Variants in LAYN observed in about 807,000 individuals in gnomAD.
The protein encoded by LAYN is layilin.
Under a neutral mutation model 43.6 loss-of-function variants are expected in LAYN, and 38 were observed. The observed-to-expected ratio is 0.87, with a 90% CI of 0.67 to 1.14. The LOEUF (loss-of-function observed/expected upper bound fraction) is 1.14, where lower values mean the gene tolerates loss of function less well. Ranked by LOEUF, LAYN falls within the 50% of genes most tolerant of loss-of-function variation. LAYN has a pLI of 0.00. For missense variants in LAYN, 479 were observed against 463.8 expected (o/e 1.03, Z -0.30); for synonymous variants, 168 against 172.9 (o/e 0.97, Z 0.22).
At chr11:111,554,654 T>G (rs1867803153) in intron 4 of LAYN, 61 bp downstream of exon 4, 2 of 1,399,450 alleles carry the variant, frequency 1.4e-6, no homozygotes, top group African/African-American at 2.8e-5. Flanking sequence ...TCTTCACAGG[T>G]TTAAAGCCCT....
chr11:111,555,179 G>A lies in LAYN; in HGVS notation c.575-28G>A, dbSNP rs752845077. ...ATACCTGAATTATGCCTTTCTTCAA[G>A]TTCACAAGTCCATGTGTCTCTCTCC... On this transcript the variant is annotated intron_variant, in intron 4 of 6. Transcript: ENST00000375614. The A allele has an allele frequency of 2.6e-6, 4 of 1,546,728 alleles. No individual in the cohort carries two copies. In the South Asian group the frequency reaches 3.4e-5, roughly 13 times the overall value.
chr11:111,549,595 T>C (rs765558025), intron 2 of LAYN, 23 bp from the exon 3 acceptor site: 1 of 1,509,698 alleles, frequency 6.6e-7, no homozygotes. Flanking sequence ...CAGTTGCCTC[T>C]ACTGCTGATC....
At position 111,555,246 on chromosome 11, in the gene LAYN, A is replaced by G. The variant is rs769417519; in HGVS notation, c.614A>G (p.Glu205Gly). 4 of 1,613,948 alleles carry G rather than the reference A, an allele frequency of 2.5e-6. No homozygotes were observed. In the East Asian group the frequency reaches 8.9e-5, roughly 36 times the overall value. ...TELTTPVLPE[E>G]TQEEDAKKTF... is the part of the protein sequence containing the mutation. ...CTGACAACACCTGTACTTCCAGAAG[A>G]AACACAGGAAGAAGATGCCAAAAAA... Residue 205 changes from glutamate to glycine, a missense_variant, in exon 5 of 7, where the codon GAA becomes GGA. Physicochemically the swap from Glu to Gly is moderately conservative, Grantham distance 98. Transcript: ENST00000375614.
intron 3 of LAYN, chr11:111,551,469 T>G: frequency 2.2e-6 from 1 of 455,344 alleles, no homozygotes; most frequent in Non-Finnish European, 4.4e-6. Context: ...ACTAACACAC[T>G]GCCTGTTTTT....
intron 1 of LAYN, chr11:111,541,321 C>A (rs1169003533): frequency 3.3e-6 from 2 of 606,108 alleles, no homozygotes; most frequent in Non-Finnish European, 5.9e-6. Context: ...CAGCTGGCCC[C>A]CGCCTACCGC....
At chr11:111,559,021 G>A (rs902015682) in intron 6 of LAYN, among the ~76,000 whole-genome samples, 7 of 151,846 alleles carry the variant, frequency 4.6e-5, no homozygotes, top group Admixed American at 2.6e-4. Flanking sequence ...CCTGACCTCA[G>A]GTGATCCGCC....
intron 2 of LAYN, 133 bp downstream of exon 2, chr11:111,544,353 G>A: frequency 2.3e-6 from 2 of 875,254 alleles, no homozygotes; most frequent in Non-Finnish European, 3.4e-6. Context: ...AGTAGCACCA[G>A]AATAGCTGCT....
At chr11:111,549,894 C>A in intron 3 of LAYN, 119 bp downstream of exon 3, 1 of 1,032,078 alleles carries the variant, frequency 9.7e-7, no homozygotes, top group Non-Finnish European at 1.4e-6. Context: ...CAAATGCCAG[C>A]AACATAAAAC....
At position 111,543,997 on chromosome 11, in the gene LAYN, C is replaced by T; in HGVS notation, c.160C>T (p.Leu54=). Reference sequence around the variant, plus strand: ...TTACTTCCATGATACTTCTCGAAGACTGAACTTTGAGGAAGCCAAAGAAGC... The same window carrying T: ...TTACTTCCATGATACTTCTCGAAGATTGAACTTTGAGGAAGCCAAAGAAGC... ...VIYFHDTSRR[L]NFEEAKEACR... Residue 54 remains leucine, a synonymous_variant, in exon 2 of 7, where the codon CTG becomes TTG. Transcript: ENST00000375614. 1 of 1,614,208 alleles carries T rather than the reference C, an allele frequency of 6.2e-7. No homozygotes were observed. The highest frequency in any genetic ancestry group is 1.1e-5 in the South Asian group (1 of 91,080).
intron 3 of LAYN, chr11:111,551,472 C>T: frequency 4.4e-6 from 2 of 455,270 alleles, no homozygotes; most frequent in South Asian, 1.6e-5. Flanking sequence ...AACACACTGC[C>T]TGTTTTTGGC....
chr11:111,555,886 G>A lies in LAYN; in HGVS notation c.658+596G>A, dbSNP rs116706198. On this transcript the variant is annotated intron_variant, in intron 5 of 6. Coordinates refer to ENST00000375614, the MANE Select transcript of LAYN (RefSeq NM_178834.5). ...TAATGGAAGTAATAATATTTTTCTT[G>A]CCTACCTGAGAGCACAACTGTGTCC... Among the ~76,000 whole-genome samples, 1,171 of 152,174 alleles carry A rather than the reference G, an allele frequency of 7.7e-3. 25 individuals are homozygous for A. Among genetic ancestry groups the A allele is most frequent in the African/African-American group, 0.026 (1,085 of 41,508 alleles).
At chr11:111,554,664 T>G (rs1867803372) in intron 4 of LAYN, 71 bp downstream of exon 4, 2 of 1,341,266 alleles carry the variant, frequency 1.5e-6, no homozygotes, top group Admixed American at 3.5e-5. Context: ...TTTAAAGCCC[T>G]ATGTCCTTTG....
intron 2 of LAYN, among the ~76,000 whole-genome samples, chr11:111,549,407 G>A (rs542791928): frequency 2.2e-4 from 34 of 152,348 alleles, no homozygotes; most frequent in African/African-American, 7.9e-4. Context: ...AAGAGATTGT[G>A]GCAAATGTCA....
At chr11:111,546,165 A>T (rs1040353161) in intron 2 of LAYN, among the ~76,000 whole-genome samples, 30 of 152,154 alleles carry the variant, frequency 2.0e-4, no homozygotes, top group African/African-American at 6.0e-4. Context: ...GCCTCTTCTA[A>T]GTAGATGTTT....
chr11:111,558,190 G>A lies in LAYN; in HGVS notation c.761+547G>A, dbSNP rs113499455. ...ACAATTTCTGTATATGGTCAGGATC[G>A]TGTGCCACTATTTTATTTTATTTTA... On this transcript the variant is annotated intron_variant, in intron 6 of 6. Transcript: ENST00000375614. Among the ~76,000 whole-genome samples, 1,188 of 152,226 alleles carry A rather than the reference G, an allele frequency of 7.8e-3. 13 individuals carry two copies. Among genetic ancestry groups the A allele is most frequent in the African/African-American group, 0.027 (1,112 of 41,518 alleles).
At chr11:111,550,771 A>G (rs1867728048) in intron 3 of LAYN, among the ~76,000 whole-genome samples, 1 of 152,184 alleles carries the variant, frequency 6.6e-6, no homozygotes, top group African/African-American at 2.4e-5. Context: ...AAAGCAAGGC[A>G]CTTGTTACAT....
intron 2 of LAYN, among the ~76,000 whole-genome samples, chr11:111,548,564 G>A (rs1867686465): frequency 6.6e-6 from 1 of 152,188 alleles, no homozygotes; most frequent in South Asian, 2.1e-4. Context: ...TGTAAGCTAA[G>A]CTATTTTCCA....
At chr11:111,543,870 G>C in intron 1 of LAYN, 53 bp from the exon 2 acceptor site, 1 of 1,534,472 alleles carries the variant, frequency 6.5e-7, no homozygotes, top group East Asian at 2.3e-5. Flanking sequence ...ACGTATCCCT[G>C]CCCCGGTATA....
At chr11:111,546,570 C>T (rs1372487467) in intron 2 of LAYN, among the ~76,000 whole-genome samples, 1 of 152,226 alleles carries the variant, frequency 6.6e-6, no homozygotes, top group Non-Finnish European at 1.5e-5. Context: ...CAAGGGATTC[C>T]TCCATGCAGT....
Sources: gnomAD v4.1 joint callset for allele counts (sites outside exome capture counted in the v4.1 genomes callset) on GRCh38, gnomAD v4.1.1 for gene constraint, MANE v1.5 for transcripts, NCBI Gene and HGNC (gene_info 2026-07-23, HGNC 2026-07-21) for gene names.